TAB2: variants seen among roughly 807,000 people sequenced by gnomAD.
TAB2 encodes the protein TGF-beta-activated kinase 1 and MAP3K7-binding protein 2.
Under a neutral mutation model 65.0 loss-of-function variants are expected in TAB2, and 3 were observed. The observed-to-expected ratio is 0.05, with a 90% CI of 0.02 to 0.12. TAB2 has a LOEUF of 0.12. Among genes scored for constraint, TAB2 ranks in the 10% least tolerant of loss-of-function variants. TAB2 has a pLI of 1.00. For synonymous variants in TAB2, 298 were observed against 285.1 expected (o/e 1.05, Z -0.46); for missense variants, 623 against 840.3 (o/e 0.74, Z 3.20).
At chr6:149,259,376 C>T (rs1432903524) in intron 1 of TAB2, among the ~76,000 whole-genome samples, 1 of 150,050 alleles carries the variant, frequency 6.7e-6, no homozygotes, top group African/African-American at 2.5e-5. Context: ...CACACACATA[C>T]ACACAATCTG....
chr6:149,298,534 G>A (rs554760095), intron 1 of TAB2, among the ~76,000 whole-genome samples: 2 of 152,222 alleles, frequency 1.3e-5, no homozygotes, highest in East Asian at 1.9e-4. Flanking sequence ...AGGCTGAGGT[G>A]GGAGACTTGC....
At chr6:149,342,918 C>G (rs1780173927) in intron 1 of TAB2, 1 of 152,228 alleles carries the variant, frequency 6.6e-6, no homozygotes, top group East Asian at 1.9e-4. Context: ...ACTTGACTTT[C>G]AAAACTTATA....
chr6:149,374,034 A>G (rs1191157242), intron 2 of TAB2, among the ~76,000 whole-genome samples: 1 of 152,190 alleles, frequency 6.6e-6, no homozygotes, highest in Non-Finnish European at 1.5e-5. Context: ...TTAAAGACAC[A>G]TGAGTTTATA....
intron 1 of TAB2, among the ~76,000 whole-genome samples, chr6:149,223,770 G>A (rs1777207717): frequency 6.6e-6 from 1 of 152,110 alleles, no homozygotes; most frequent in African/African-American, 2.4e-5. Flanking sequence ...TTCTGGACAT[G>A]TAATTCCATT....
At chr6:149,223,256 T>C (rs1277933543) in intron 1 of TAB2, among the ~76,000 whole-genome samples, 2 of 152,236 alleles carry the variant, frequency 1.3e-5, no homozygotes, top group African/African-American at 4.8e-5. Flanking sequence ...TATGTTTCTG[T>C]GGTGGAATTT....
At chr6:149,231,280 C>T (rs1777400236) in intron 1 of TAB2, among the ~76,000 whole-genome samples, 2 of 152,298 alleles carry the variant, frequency 1.3e-5, no homozygotes, top group South Asian at 4.1e-4. Context: ...CTACCGCATG[C>T]CTTGTGAGCT....
At chr6:149,273,664 T>C (rs1459407751) in intron 1 of TAB2, among the ~76,000 whole-genome samples, 2 of 152,218 alleles carry the variant, frequency 1.3e-5, no homozygotes, top group Admixed American at 1.3e-4. Context: ...AAAGACAGCA[T>C]CCACAGCCCA....
At chr6:149,399,269 C>A in intron 6 of TAB2, 85 bp downstream of exon 6, 1 of 954,812 alleles carries the variant, frequency 1.0e-6, no homozygotes, top group Admixed American at 2.0e-5. Flanking sequence ...ACCTTCCTCT[C>A]TAGAATTGCT....
chr6:149,300,258 C>G (rs769994606), intron 1 of TAB2, among the ~76,000 whole-genome samples: 1 of 152,046 alleles, frequency 6.6e-6, no homozygotes, highest in African/African-American at 2.4e-5. Context: ...AATTTTAAAG[C>G]TCTTGTTTGT....
chr6:149,289,426 G>A (rs992870845), intron 1 of TAB2, among the ~76,000 whole-genome samples: 3 of 151,886 alleles, frequency 2.0e-5, no homozygotes, highest in African/African-American at 4.8e-5. Context: ...CCTTACCATG[G>A]CCTAAAGTCC....
intron 6 of TAB2, among the ~76,000 whole-genome samples, chr6:149,403,279 T>G (rs1309172916): frequency 5.0e-5 from 2 of 40,050 alleles, no homozygotes; most frequent in Non-Finnish European, 8.5e-5. Context: ...TATATATATA[T>G]ATATACACAC....
intron 1 of TAB2, among the ~76,000 whole-genome samples, chr6:149,367,904 G>T (rs1781091455): frequency 6.6e-6 from 1 of 152,102 alleles, no homozygotes; most frequent in South Asian, 2.1e-4. Context: ...TACTGAGCTT[G>T]AAATAAGTTG....
At chr6:149,393,352 T>TA (rs2114930880) in intron 3 of TAB2, among the ~76,000 whole-genome samples, 1 of 152,346 alleles carries the variant, frequency 6.6e-6, no homozygotes, top group South Asian at 2.1e-4. Context: ...TCATAAGAGA[T>TA]ACTTTGCCTT....
intron 1 of TAB2, among the ~76,000 whole-genome samples, chr6:149,324,309 A>G (rs140811827): frequency 4.7e-4 from 72 of 152,290 alleles, no homozygotes; most frequent in African/African-American, 1.6e-3. Context: ...TGTTTAAAAT[A>G]ATCCATTAAA....
intron 1 of TAB2, among the ~76,000 whole-genome samples, chr6:149,361,774 T>C (rs1380934580): frequency 6.6e-6 from 1 of 152,188 alleles, no homozygotes; most frequent in Non-Finnish European, 1.5e-5. Context: ...ATTTCTTTGC[T>C]CCAACATCTG....
chr6:149,385,418 T>C (rs12197598), intron 3 of TAB2, among the ~76,000 whole-genome samples: 35,904 of 152,150 alleles, frequency 0.24, 4,430 homozygotes, highest in Non-Finnish European at 0.26. Context: ...TTCGAGCTAC[T>C]CGGGAGTCTG....
At chr6:149,326,207 A>T (rs1368631895) in intron 1 of TAB2, among the ~76,000 whole-genome samples, 1 of 151,490 alleles carries the variant, frequency 6.6e-6, no homozygotes, top group African/African-American at 2.4e-5. Context: ...CAACAGTTAC[A>T]CTGGTTTACT....
chr6:149,219,003 G>A (rs1398944428), intron 1 of TAB2, among the ~76,000 whole-genome samples: 3 of 152,192 alleles, frequency 2.0e-5, no homozygotes, highest in Admixed American at 2.0e-4. Flanking sequence ...CTGTGTCCAG[G>A]AAACTTGTGA....
intron 1 of TAB2, among the ~76,000 whole-genome samples, chr6:149,281,365 A>G (rs986846789): frequency 1.3e-5 from 2 of 152,026 alleles, no homozygotes; most frequent in African/African-American, 4.8e-5. Context: ...AGCAACCACT[A>G]TAATAACAAA....
Sources: allele counts gnomAD v4.1 joint callset (sites outside exome capture counted in the v4.1 genomes callset), GRCh38; gene constraint gnomAD v4.1.1; transcripts MANE v1.5; gene names NCBI Gene and HGNC (gene_info 2026-07-23, HGNC 2026-07-21).